The following UGT1A10 variants were observed in gnomAD, a reference collection of about 807,000 sequenced individuals.
The protein encoded by UGT1A10 is UDP glucuronosyltransferase family 1 member A10, also known as UDP-glucuronosyltransferase 1A10.
A neutral mutation model predicts 45.8 loss-of-function variants in UGT1A10; 49 were observed. The ratio of observed to expected loss-of-function variants is 1.07; its 90% CI spans 0.85 to 1.36. UGT1A10 has a LOEUF of 1.36. UGT1A10 is among the 40% of genes most tolerant of loss of function. The pLI is 0.00. For missense variants in UGT1A10, 745 were observed against 668.6 expected (o/e 1.11, Z -1.26); for synonymous variants, 284 against 249.7 (o/e 1.14, Z -1.29).
At chr2:233,741,541 C>T (rs1479891345) in intron 1 of UGT1A10, 1 of 151,844 alleles carries the variant, frequency 6.6e-6, no homozygotes, top group Non-Finnish European at 1.5e-5. Flanking sequence ...TATTCTGATA[C>T]TTCTTTTATG....
At chr2:233,698,562 A>G (rs2075448167) in intron 1 of UGT1A10, among the ~76,000 whole-genome samples, 2 of 152,254 alleles carry the variant, frequency 1.3e-5, no homozygotes, top group Admixed American at 6.5e-5. Flanking sequence ...AAACTTTAAG[A>G]ACATGTTTAA....
intron 1 of UGT1A10, among the ~76,000 whole-genome samples, chr2:233,666,570 G>T (rs116727752): frequency 0.037 from 5,668 of 151,628 alleles, 135 homozygotes; most frequent in Non-Finnish European, 0.058. Context: ...TTTATATTCT[G>T]GATATTTATC....
chr2:233,733,282 T>A (rs1222670290), intron 1 of UGT1A10, among the ~76,000 whole-genome samples: 1 of 152,234 alleles, frequency 6.6e-6, no homozygotes, highest in African/African-American at 2.4e-5. Flanking sequence ...CCTCTTTTCC[T>A]AATTGAATGC....
intron 1 of UGT1A10, among the ~76,000 whole-genome samples, chr2:233,670,039 T>TAG (rs1192419528): frequency 2.0e-5 from 3 of 152,162 alleles, no homozygotes; most frequent in Non-Finnish European, 4.4e-5. Context: ...TACTGTGCAC[T>TAG]AGAAGCCTTA....
At chr2:233,679,270 A>G (rs1487537750) in intron 1 of UGT1A10, among the ~76,000 whole-genome samples, 1 of 152,238 alleles carries the variant, frequency 6.6e-6, no homozygotes, top group Admixed American at 6.5e-5. Flanking sequence ...CTTGCTGGCA[A>G]TGCATTTTCT....
At chr2:233,758,820 C>A (rs1028156613) in intron 1 of UGT1A10, among the ~76,000 whole-genome samples, 1 of 152,084 alleles carries the variant, frequency 6.6e-6, no homozygotes, top group African/African-American at 2.4e-5. Flanking sequence ...GCAGTATATC[C>A]CCCCCAAAAA....
At chr2:233,711,334 A>G (rs760435550) in intron 1 of UGT1A10, among the ~76,000 whole-genome samples, 1 of 152,216 alleles carries the variant, frequency 6.6e-6, no homozygotes, top group African/African-American at 2.4e-5. Flanking sequence ...ACACCACTGC[A>G]TGGAGATAGA....
Position 233,662,323 on chromosome 2 carries a change from A to G in UGT1A10, c.855+24946A>G, listed in dbSNP as rs201041039. The stretch of plus-strand genomic sequence containing the variant: ...TTTTTCTTAATTTTTTCACTATTGT[A>G]GGCTATGTGGCTTATCTGCAAGTTT... On this transcript the variant is annotated intron_variant, in intron 1 of 4. Coordinates refer to ENST00000344644, the MANE Select transcript of UGT1A10 (RefSeq NM_019075.4). Among the ~76,000 whole-genome samples, 13 of 152,300 alleles carry G rather than the reference A, an allele frequency of 8.5e-5. No individual in the cohort carries two copies. The East Asian group carries it at 2.5e-3, about 29-fold the overall frequency.
chr2:233,686,541 G>A (rs1014835492), intron 1 of UGT1A10, among the ~76,000 whole-genome samples: 9 of 152,058 alleles, frequency 5.9e-5, no homozygotes, highest in Admixed American at 4.6e-4. Context: ...TAACCTTTCC[G>A]TGGCTTTCTG....
Position 233,772,318 on chromosome 2 carries a change from C to G in UGT1A10, c.1352C>G (p.Pro451Arg). The change falls in exon 5 of 5, where the codon CCG (proline) becomes CGG (arginine). Residue 451 changes from proline to arginine, a missense_variant. Physicochemically the swap from Pro to Arg is moderately radical, Grantham distance 103. Coordinates refer to ENST00000344644, the MANE Select transcript of UGT1A10 (RefSeq NM_019075.4). ...CTTCACAAGGACCGCCCGGTGGAGC[C>G]GCTGGACCTGGCCGTGTTCTGGGTG... The part of the protein sequence containing the change: ...SSLHKDRPVE[P>R]LDLAVFWVEF... 1 of 1,614,230 alleles carries G rather than the reference C, an allele frequency of 6.2e-7. No individual in the cohort carries two copies.
intron 1 of UGT1A10, among the ~76,000 whole-genome samples, chr2:233,717,018 C>T (rs1456974682): frequency 6.6e-6 from 1 of 152,192 alleles, no homozygotes; most frequent in Admixed American, 6.5e-5. Context: ...TCTGAAGGCA[C>T]CACCATCTTC....
At chr2:233,765,122 G>A (rs181302961) in intron 1 of UGT1A10, among the ~76,000 whole-genome samples, 232 of 152,218 alleles carry the variant, frequency 1.5e-3, no homozygotes, top group Admixed American at 3.1e-3. Context: ...GACTGTTCAG[G>A]TTTTAGCACT....
chr2:233,636,494 C>A lies in UGT1A10; in HGVS notation c.-29C>A, dbSNP rs775507375. 5.3e-5 allele frequency: 85 copies of A among 1,596,284 alleles called. No individual in the cohort carries two copies. The highest frequency in any genetic ancestry group is 6.3e-5 in the Non-Finnish European group (74 of 1,169,970). On this transcript the variant is annotated 5_prime_UTR_variant, in exon 1 of 5. Coordinates refer to ENST00000344644, the MANE Select transcript of UGT1A10 (RefSeq NM_019075.4). ...ACTGTATCATAGCAGCTTAGAATCC[C>A]AGCTGCTGGCTCGGGCTGCAGTTCT...
intron 1 of UGT1A10, among the ~76,000 whole-genome samples, chr2:233,710,501 C>T (rs1432129289): frequency 1.3e-5 from 2 of 152,166 alleles, no homozygotes; most frequent in East Asian, 3.8e-4. Flanking sequence ...AATTTGCATT[C>T]CTCTTATGAC....
chr2:233,759,854 G>T (rs1017536593), intron 1 of UGT1A10, among the ~76,000 whole-genome samples: 2 of 152,182 alleles, frequency 1.3e-5, no homozygotes, highest in African/African-American at 4.8e-5. Context: ...AGGTTTCCAT[G>T]GCGAAAGCGG....
At position 233,691,322 on chromosome 2, in the gene UGT1A10, C is replaced by T. The variant is rs564779724; in HGVS notation, c.855+53945C>T. Reference sequence around the variant, plus strand: ...AATCCTCTTGGGAGGCTGCTCCCAGCTTGGACTGAGCTGAGTCTTCGCATG... The same window carrying T: ...AATCCTCTTGGGAGGCTGCTCCCAGTTTGGACTGAGCTGAGTCTTCGCATG... On this transcript the variant is annotated intron_variant, in intron 1 of 4. Transcript: ENST00000344644. 1.4e-5 allele frequency: 14 copies of T among 985,554 alleles called. No individual in the cohort carries two copies. In the South Asian group the frequency reaches 5.6e-4, roughly 40 times the overall value. The allele number at this position is 985,554 out of a possible 1,614,324, so 61.1% of individuals were successfully genotyped here.
chr2:233,720,612 AT>A (rs749616035), intron 1 of UGT1A10, among the ~76,000 whole-genome samples: 15 of 151,828 alleles, frequency 9.9e-5, no homozygotes, highest in Non-Finnish European at 2.1e-4. Context: ...AATACAGAAT[AT>A]TTGGGTTTCA....
intron 1 of UGT1A10, among the ~76,000 whole-genome samples, chr2:233,705,184 T>C (rs932565364): frequency 1.3e-5 from 2 of 152,066 alleles, no homozygotes; most frequent in African/African-American, 4.8e-5. Context: ...GAAGTATGCA[T>C]TGGTACTGCC....
rs927700420 is a variant in UGT1A10, at chr2:233,691,672, T to A, written c.855+54295T>A. On this transcript the variant is annotated intron_variant, in intron 1 of 4. Coordinates refer to ENST00000344644, the MANE Select transcript of UGT1A10 (RefSeq NM_019075.4). ...GTGACCCTCCCTTTCTGGGCCTCAG[T>A]TGAGAAACCTGAAGCTCAGGAGAGG... 3.1e-6 allele frequency: 3 copies of A among 974,090 alleles called. No individual in the cohort carries two copies. In the South Asian group the frequency reaches 1.5e-4, roughly 47 times the overall value. The allele number at this position is 974,090 out of a possible 1,614,324, so 60.3% of individuals were successfully genotyped here. A position where few individuals can be genotyped will look rare whatever the true frequency, so the allele number is the denominator to read the frequency against.
Sources: gnomAD v4.1 joint callset for allele counts (sites outside exome capture counted in the v4.1 genomes callset) on GRCh38, gnomAD v4.1.1 for gene constraint, MANE v1.5 for transcripts, NCBI Gene and HGNC (gene_info 2026-07-23, HGNC 2026-07-21) for gene names.